The following GRM7 variants were observed in gnomAD, a reference collection of about 807,000 sequenced individuals.
GRM7 encodes metabotropic glutamate receptor 7.
Under a neutral mutation model 84.5 loss-of-function variants are expected in GRM7, and 35 were observed. That is an observed-to-expected ratio of 0.41 (90% CI 0.32 to 0.55). The LOEUF (loss-of-function observed/expected upper bound fraction) is 0.55, where lower values mean the gene tolerates loss of function less well. Among genes scored for constraint, GRM7 ranks in the 20% least tolerant of loss-of-function variants. The pLI is 0.19. For synonymous variants in GRM7, 487 were observed against 455.1 expected, an observed-to-expected ratio of 1.07 and a Z score of -0.89; for missense variants, 1,003 against 1,194.6, an observed-to-expected ratio of 0.84 and a Z score of 2.36.
intron 1 of GRM7, among the ~76,000 whole-genome samples, chr3:7,051,829 G>T (rs1391598680): frequency 1.3e-5 from 2 of 151,710 alleles, no homozygotes; most frequent in Non-Finnish European, 3.0e-5. Context: ...TACAGAAAAT[G>T]GGAAGAGAAG....
At chr3:7,169,766 T>C (rs1399466058) in intron 2 of GRM7, among the ~76,000 whole-genome samples, 1 of 152,138 alleles carries the variant, frequency 6.6e-6, no homozygotes, top group African/African-American at 2.4e-5. Context: ...AGGAGATAAA[T>C]AGAGACGTAC....
chr3:7,640,145 C>T (rs1347313704), intron 8 of GRM7, among the ~76,000 whole-genome samples: 1 of 152,180 alleles, frequency 6.6e-6, no homozygotes, highest in Admixed American at 6.5e-5. Context: ...CAATGCCCTA[C>T]ACAGGGTTTT....
At position 7,367,877 on chromosome 3, in the gene GRM7, C is replaced by G. The variant is rs539834206; in HGVS notation, c.1034-47146C>G. On this transcript the variant is annotated intron_variant, in intron 4 of 9. Coordinates refer to ENST00000357716, the MANE Select transcript of GRM7 (RefSeq NM_000844.4). ...CATCTGAAACCTTACATTCCACATT[C>G]TTCCCTTTGCCATAAGTATTCCCCA... is the stretch of plus-strand genomic sequence containing the variant. Among the ~76,000 whole-genome samples the G allele has an allele frequency of 1.4e-4, 21 of 150,668 alleles. No individual in the cohort carries two copies. In the South Asian group the frequency reaches 4.4e-3, roughly 32 times the overall value.
At chr3:7,179,744 G>A (rs193172168) in intron 2 of GRM7, among the ~76,000 whole-genome samples, 4 of 152,298 alleles carry the variant, frequency 2.6e-5, no homozygotes, top group Admixed American at 2.6e-4. Flanking sequence ...TGCAATGCTT[G>A]TCTTAAACTT....
At chr3:7,537,732 G>C (rs17721208) in intron 7 of GRM7, among the ~76,000 whole-genome samples, 15,796 of 152,198 alleles carry the variant, frequency 0.1, 929 homozygotes, top group South Asian at 0.11. Context: ...TGGAACTCAG[G>C]CTGGCAGGGA....
intron 8 of GRM7, among the ~76,000 whole-genome samples, chr3:7,606,488 G>A (rs747143448): frequency 1.3e-5 from 2 of 152,082 alleles, no homozygotes; most frequent in Non-Finnish European, 2.9e-5. Flanking sequence ...TCATACAATT[G>A]TGGAACACCT....
At chr3:7,518,501 A>C (rs989385737) in intron 7 of GRM7, among the ~76,000 whole-genome samples, 2 of 152,206 alleles carry the variant, frequency 1.3e-5, no homozygotes, top group African/African-American at 4.8e-5. Flanking sequence ...GTTTCATATC[A>C]AGGTTTCTTT....
chr3:7,470,736 A>G (rs1182108054), intron 7 of GRM7, among the ~76,000 whole-genome samples: 1 of 152,166 alleles, frequency 6.6e-6, no homozygotes, highest in Non-Finnish European at 1.5e-5. Flanking sequence ...AAGAAATACA[A>G]CAAGATAAAT....
intron 8 of GRM7, among the ~76,000 whole-genome samples, chr3:7,662,807 G>T (rs756962754): frequency 1.3e-5 from 2 of 152,160 alleles, no homozygotes; most frequent in Non-Finnish European, 2.9e-5. Context: ...AAATTTTTAA[G>T]TATTCAAAAT....
chr3:7,473,489 G>GA (rs1553603710), intron 7 of GRM7, among the ~76,000 whole-genome samples: 1 of 126,432 alleles, frequency 7.9e-6, no homozygotes, highest in Non-Finnish European at 1.6e-5. Flanking sequence ...AAAACGAGAG[G>GA]GAGAGAGAGA....
At chr3:7,062,366 A>G (rs1195892623) in intron 1 of GRM7, among the ~76,000 whole-genome samples, 1 of 151,702 alleles carries the variant, frequency 6.6e-6, no homozygotes, top group South Asian at 2.1e-4. Context: ...AGGAGCACCC[A>G]TCTGCAACTG....
chr3:6,936,835 T>C (rs1473440976), intron 1 of GRM7, among the ~76,000 whole-genome samples: 6 of 152,202 alleles, frequency 3.9e-5, no homozygotes, highest in Admixed American at 2.0e-4. Flanking sequence ...AAATGTTTTA[T>C]TTTTATTATT....
At chr3:6,961,168 C>G (rs1465074197) in intron 1 of GRM7, among the ~76,000 whole-genome samples, 4 of 152,200 alleles carry the variant, frequency 2.6e-5, no homozygotes, top group African/African-American at 9.6e-5. Context: ...AACTTATTAT[C>G]AGTAAGAGTG....
chr3:6,945,814 T>G (rs1325592623), intron 1 of GRM7, among the ~76,000 whole-genome samples: 1 of 152,206 alleles, frequency 6.6e-6, no homozygotes. Context: ...TGATGGCCAG[T>G]GATGGTGAGC....
intron 4 of GRM7, among the ~76,000 whole-genome samples, chr3:7,373,285 G>T (rs1427229859): frequency 6.6e-6 from 1 of 152,126 alleles, no homozygotes; most frequent in East Asian, 1.9e-4. Context: ...TTGGGTCACT[G>T]ATTTTCTAGA....
At chr3:7,109,015 T>A (rs1342744251) in intron 1 of GRM7, among the ~76,000 whole-genome samples, 1 of 152,136 alleles carries the variant, frequency 6.6e-6, no homozygotes, top group African/African-American at 2.4e-5. Flanking sequence ...TAGAAAATTC[T>A]TTCGGGATGG....
chr3:7,149,808 A>C (rs1694226644), intron 2 of GRM7, among the ~76,000 whole-genome samples: 1 of 152,194 alleles, frequency 6.6e-6, no homozygotes, highest in Non-Finnish European at 1.5e-5. Flanking sequence ...ATGGGGAAGC[A>C]TTTAATACCC....
intron 7 of GRM7, among the ~76,000 whole-genome samples, chr3:7,539,703 C>T (rs1692766520): frequency 1.3e-5 from 2 of 149,724 alleles, no homozygotes. Context: ...AAAAGTCTCT[C>T]ACTCATCACA....
chr3:7,416,588 A>C (rs796211832), intron 5 of GRM7, among the ~76,000 whole-genome samples: 17 of 152,234 alleles, frequency 1.1e-4, no homozygotes, highest in African/African-American at 4.1e-4. Context: ...TTTTCTGTGA[A>C]AAAGGAGAAA....
Sources: allele counts gnomAD v4.1 joint callset (sites outside exome capture counted in the v4.1 genomes callset), GRCh38; gene constraint gnomAD v4.1.1; transcripts MANE v1.5; gene names NCBI Gene and HGNC (gene_info 2026-07-23, HGNC 2026-07-21).